The following ABCC1 variants were observed in gnomAD, a reference collection of about 807,000 sequenced individuals.
The protein encoded by ABCC1 is ATP binding cassette subfamily C member 1 (ABCC1 blood group).
In ABCC1, 83 loss-of-function variants were observed where a neutral mutation model predicts 172.9. The observed-to-expected ratio is 0.48, with a 90% CI of 0.40 to 0.58. The LOEUF (loss-of-function observed/expected upper bound fraction) is 0.58, where lower values mean the gene tolerates loss of function less well. ABCC1 is among the 20% of genes least tolerant of loss of function. The pLI, the probability that ABCC1 is intolerant of heterozygous loss-of-function variation, is 0.00. For missense variants in ABCC1, 1,817 were observed against 2,002.7 expected (o/e 0.91, Z 1.77); for synonymous variants, 937 against 825.2 (o/e 1.14, Z -2.32).
intron 17 of ABCC1, among the ~76,000 whole-genome samples, chr16:16,085,623 T>C (rs973532138): frequency 1.3e-5 from 2 of 152,080 alleles, no homozygotes; most frequent in Non-Finnish European, 2.9e-5. Flanking sequence ...CTACTAAAAA[T>C]ACAAAAAGTT....
chr16:16,069,682 G>A (rs2050258570), intron 13 of ABCC1, among the ~76,000 whole-genome samples: 2 of 151,776 alleles, frequency 1.3e-5, no homozygotes, highest in African/African-American at 2.4e-5. Flanking sequence ...AGTGTACACA[G>A]AAGTAGAATA....
At chr16:16,033,200 G>A in intron 6 of ABCC1, 30 bp downstream of exon 6, 2 of 1,599,612 alleles carry the variant, frequency 1.3e-6, no homozygotes, top group South Asian at 2.2e-5. Context: ...ACCTCAGGGA[G>A]GTGGTGGGGA....
At chr16:16,090,704 G>T in intron 19 of ABCC1, 116 bp downstream of exon 19, 2 of 1,195,162 alleles carry the variant, frequency 1.7e-6, no homozygotes, top group Non-Finnish European at 2.3e-6. Flanking sequence ...CAGGGCATGA[G>T]GGTGGGAGCT....
intron 1 of ABCC1, among the ~76,000 whole-genome samples, chr16:15,972,126 G>A (rs1466394396): frequency 6.6e-6 from 1 of 152,106 alleles, no homozygotes; most frequent in Non-Finnish European, 1.5e-5. Context: ...TTTAAATGGG[G>A]AATCTGTGAC....
At chr16:16,026,964 C>T (rs2048397998) in intron 5 of ABCC1, among the ~76,000 whole-genome samples, 1 of 152,032 alleles carries the variant, frequency 6.6e-6, no homozygotes, top group African/African-American at 2.4e-5. Flanking sequence ...TGTCAATGTC[C>T]TTGTTGCATT....
chr16:16,026,206 T>C (rs950323672), intron 5 of ABCC1, among the ~76,000 whole-genome samples: 3 of 150,490 alleles, frequency 2.0e-5, no homozygotes, highest in Non-Finnish European at 4.4e-5. Context: ...CCGAGGTGGG[T>C]GGATCGCTTG....
intron 1 of ABCC1, among the ~76,000 whole-genome samples, chr16:15,993,753 G>GGGGT (rs1162668346): frequency 6.6e-6 from 1 of 151,430 alleles, no homozygotes; most frequent in Non-Finnish European, 1.5e-5. Context: ...CTCACATGCG[G>GGGGT]GGGTGGGTGG....
In ABCC1 at chr16:16,079,353, A is replaced by G. The variant is rs1388580805; in HGVS notation, c.1990A>G (p.Ile664Val). 2 of 1,613,820 alleles carry G rather than the reference A, an allele frequency of 1.2e-6. No individual in the cohort carries two copies. Among genetic ancestry groups the G allele is most frequent in the Middle Eastern group, 1.6e-4 (1 of 6,074 alleles). Residue 664 changes from isoleucine (I) to valine (V), a missense_variant and splice_region_variant, in exon 16 of 31, where the codon ATC becomes GTC. Coordinates refer to ENST00000399410, the MANE Select transcript of ABCC1 (RefSeq NM_004996.4). ...ARSDPPTLNGITFSIPEGALV... is the reference protein window; with the variant it reads ...ARSDPPTLNGVTFSIPEGALV... ...GCCAGGTGTGTTGTGTCGTTTCAGC[A>G]TCACCTTCTCCATCCCCGAAGGTGC...
In ABCC1 at chr16:16,071,721, T is replaced by A. The variant is rs760608672; in HGVS notation, c.1904T>A (p.Val635Asp). 1.5e-5 allele frequency: 24 copies of A among 1,613,416 alleles called. No homozygotes were observed. In the Admixed American group the frequency reaches 4.0e-4, roughly 27 times the overall value. Residue 635 changes from valine to aspartate, a missense_variant, in exon 14 of 31, where the codon GTC (valine) becomes GAC (aspartate). By Grantham distance (152) the Val-to-Asp change is radical. Coordinates refer to ENST00000399410, the MANE Select transcript of ABCC1 (RefSeq NM_004996.4). ...CCTGACAGCATCGAGCGACGGCCTGTCAAAGACGGTGTGTGTGTGTTCAGT... is the reference window on the plus strand; with the variant it reads ...CCTGACAGCATCGAGCGACGGCCTGACAAAGACGGTGTGTGTGTGTTCAGT... ...LEPDSIERRP[V>D]KDGGGTNSIT...
At chr16:15,996,894 C>T (rs1230918826) in intron 1 of ABCC1, among the ~76,000 whole-genome samples, 1 of 152,094 alleles carries the variant, frequency 6.6e-6, no homozygotes, top group Non-Finnish European at 1.5e-5. Flanking sequence ...TCATTCAGCC[C>T]AGAAAACATG....
At chr16:15,986,239 A>G (rs1001403585) in intron 1 of ABCC1, among the ~76,000 whole-genome samples, 3 of 151,348 alleles carry the variant, frequency 2.0e-5, no homozygotes, top group African/African-American at 7.3e-5. Flanking sequence ...CCTGCCTCAA[A>G]TCTCCTTTTC....
chr16:16,071,604 T>C, intron 13 of ABCC1, 38 bp from the exon 14 acceptor site: 1 of 1,595,336 alleles, frequency 6.3e-7, no homozygotes, highest in Non-Finnish European at 8.6e-7. Flanking sequence ...AAAATGCTTT[T>C]TAAAAATAAC....
chr16:16,121,818 A>C (rs1320079857), intron 23 of ABCC1, among the ~76,000 whole-genome samples, 157 bp from the exon 24 acceptor site: 1 of 152,094 alleles, frequency 6.6e-6, no homozygotes, highest in African/African-American at 2.4e-5. Flanking sequence ...CCTGTGGTTC[A>C]CCAGGTGAGT....
chr16:15,969,367 CTTT>C (rs57250944), intron 1 of ABCC1, among the ~76,000 whole-genome samples: 1 of 131,612 alleles, frequency 7.6e-6, no homozygotes, highest in Non-Finnish European at 1.6e-5. Context: ...GCTGGTCAGT[CTTT>C]TTTTTTTTTT....
At chr16:16,052,011 G>A (rs1003478526) in intron 10 of ABCC1, among the ~76,000 whole-genome samples, 2 of 152,056 alleles carry the variant, frequency 1.3e-5, no homozygotes, top group South Asian at 2.1e-4. Context: ...TGGGAAAGTC[G>A]CTTGAGCCCA....
At chr16:16,014,743 C>A in intron 4 of ABCC1, 115 bp downstream of exon 4, 1 of 1,236,368 alleles carries the variant, frequency 8.1e-7, no homozygotes, top group Non-Finnish European at 1.1e-6. Context: ...GGCTGGGTAC[C>A]ACATGCACCT....
In ABCC1 at chr16:16,115,423, TG is replaced by T. The variant is rs1310642436; in HGVS notation, c.3390+349del. ...AGGCTGGAGTGCAGTGGCACAATCT[TG>T]GCTTACTGCAACCTCCACCTCCCAG... On this transcript the variant is annotated intron_variant, in intron 23 of 30. Transcript: ENST00000399410. Among the ~76,000 whole-genome samples the T allele has an allele frequency of 2.0e-5, 3 of 151,872 alleles. No homozygotes were observed. The East Asian group carries it at 5.8e-4, about 30-fold the overall frequency.
At position 16,002,166 on chromosome 16, in the gene ABCC1, C is replaced by T. The variant is rs192427230; in HGVS notation, c.49-5650C>T. ...TCCCTACAATAGAATACAAAGCAGC[C>T]GTAACAAAGAGTGAGGAAACTGTTC... On this transcript the variant is annotated intron_variant, in intron 1 of 30. Transcript: ENST00000399410. 1.6e-4 allele frequency among the ~76,000 whole-genome samples: 25 copies of T among 152,134 alleles called. No individual in the cohort carries two copies. In the East Asian group the frequency reaches 4.4e-3, roughly 27 times the overall value.
chr16:16,115,171 T>C (rs45480802), intron 23 of ABCC1, 95 bp downstream of exon 23: 309 of 1,316,386 alleles, frequency 2.3e-4, no homozygotes, highest in Admixed American at 2.0e-3. Context: ...ATGTCCCCAG[T>C]GTGGTGCTTT....
Sources: gnomAD v4.1 joint callset for allele counts (sites outside exome capture counted in the v4.1 genomes callset) on GRCh38, gnomAD v4.1.1 for gene constraint, MANE v1.5 for transcripts, NCBI Gene and HGNC (gene_info 2026-07-23, HGNC 2026-07-21) for gene names.